PARD3: variants seen among roughly 807,000 people sequenced by gnomAD.
PARD3 encodes par-3 family cell polarity regulator, also known as partitioning defective 3 homolog.
Under a neutral mutation model 155.4 loss-of-function variants are expected in PARD3, and 75 were observed. The observed-to-expected ratio is 0.48, with a 90% CI of 0.40 to 0.58. PARD3 has a LOEUF of 0.58. Among genes scored for constraint, PARD3 ranks in the 20% least tolerant of loss-of-function variants. The pLI is 0.00. For synonymous variants in PARD3, 576 were observed against 610.5 expected (o/e 0.94, Z 0.83); for missense variants, 1,642 against 1,721.7 (o/e 0.95, Z 0.82).
intron 2 of PARD3, among the ~76,000 whole-genome samples, chr10:34,673,002 A>T (rs2093636636): frequency 6.6e-6 from 1 of 152,128 alleles, no homozygotes; most frequent in Non-Finnish European, 1.5e-5. Context: ...CCTCTCTCTG[A>T]CCTATATGTA....
chr10:34,621,025 G>A (rs1159041840), intron 2 of PARD3, among the ~76,000 whole-genome samples: 2 of 152,214 alleles, frequency 1.3e-5, no homozygotes, highest in African/African-American at 4.8e-5. Flanking sequence ...GAGTGGGCCA[G>A]GGTGAAAACC....
intron 1 of PARD3, 79 bp downstream of exon 1, chr10:34,814,797 C>G: frequency 8.1e-7 from 1 of 1,240,346 alleles, no homozygotes; most frequent in Non-Finnish European, 1.1e-6. Context: ...CCTCTCCTCC[C>G]CCTTCCAGGA....
intron 1 of PARD3, among the ~76,000 whole-genome samples, chr10:34,780,122 C>T (rs1251567677): frequency 6.6e-6 from 1 of 152,200 alleles, no homozygotes; most frequent in African/African-American, 2.4e-5. Flanking sequence ...TTTAACTCTG[C>T]TTCTTTTGTA....
At chr10:34,197,638 A>G (rs1951010515) in intron 22 of PARD3, among the ~76,000 whole-genome samples, 1 of 152,246 alleles carries the variant, frequency 6.6e-6, no homozygotes, top group South Asian at 2.1e-4. Context: ...GTTACCTTAA[A>G]GTATTTTTAA....
intron 1 of PARD3, among the ~76,000 whole-genome samples, chr10:34,757,345 C>G (rs937896549): frequency 6.6e-6 from 1 of 152,182 alleles, no homozygotes; most frequent in Non-Finnish European, 1.5e-5. Context: ...GTGTGACATG[C>G]TACAGCCTGT....
At chr10:34,697,714 C>A (rs1313545322) in intron 1 of PARD3, among the ~76,000 whole-genome samples, 1 of 151,744 alleles carries the variant, frequency 6.6e-6, no homozygotes, top group Non-Finnish European at 1.5e-5. Flanking sequence ...CTATCTGGAC[C>A]TCTATGAAAG....
intron 1 of PARD3, among the ~76,000 whole-genome samples, chr10:34,746,474 T>C (rs1352793298): frequency 1.3e-5 from 2 of 152,062 alleles, no homozygotes; most frequent in African/African-American, 4.8e-5. Flanking sequence ...TTCTTAATAC[T>C]ATTTTAAAAT....
intron 2 of PARD3, among the ~76,000 whole-genome samples, chr10:34,594,692 A>G (rs7916657): frequency 0.53 from 80,113 of 152,016 alleles, 24,509 homozygotes; most frequent in African/African-American, 0.86. Context: ...TTAGCCAGGT[A>G]TGATGGCTCA....
chr10:34,440,602 T>C (rs2076412532), intron 5 of PARD3, among the ~76,000 whole-genome samples: 1 of 152,178 alleles, frequency 6.6e-6, no homozygotes, highest in South Asian at 2.1e-4. Flanking sequence ...CCCTGAAGGT[T>C]AATCCACACA....
intron 1 of PARD3, among the ~76,000 whole-genome samples, chr10:34,804,286 C>T (rs1843118711): frequency 6.6e-6 from 1 of 152,212 alleles, no homozygotes; most frequent in Admixed American, 6.5e-5. Flanking sequence ...ATCCGCCCAC[C>T]TTGGCCTCCC....
At chr10:34,193,919 C>A (rs1334544253) in intron 22 of PARD3, among the ~76,000 whole-genome samples, 1 of 152,166 alleles carries the variant, frequency 6.6e-6, no homozygotes, top group East Asian at 1.9e-4. Flanking sequence ...TGCTCCTCCT[C>A]CTGTGACCCT....
chr10:34,736,222 G>C (rs1295311134), intron 1 of PARD3, among the ~76,000 whole-genome samples: 1 of 152,026 alleles, frequency 6.6e-6, no homozygotes, highest in Non-Finnish European at 1.5e-5. Context: ...AGTAGAGACA[G>C]GGTTTCACCG....
At chr10:34,714,432 G>A (rs1482123619) in intron 1 of PARD3, among the ~76,000 whole-genome samples, 4 of 152,260 alleles carry the variant, frequency 2.6e-5, no homozygotes, top group Middle Eastern at 3.4e-3. Flanking sequence ...TGCACCTCGT[G>A]GCATCTGTAC....
At chr10:34,528,843 A>G (rs1203670905) in intron 2 of PARD3, among the ~76,000 whole-genome samples, 1 of 152,194 alleles carries the variant, frequency 6.6e-6, no homozygotes, top group African/African-American at 2.4e-5. Context: ...TCTAATAATG[A>G]AGAAGTCATG....
intron 2 of PARD3, among the ~76,000 whole-genome samples, chr10:34,620,923 A>C (rs184387862): frequency 1.2e-4 from 19 of 152,370 alleles, no homozygotes; most frequent in Admixed American, 1.2e-3. Flanking sequence ...TTTCATTATT[A>C]CACAAGTGAA....
At chr10:34,569,727 AC>A (rs1284827218) in intron 2 of PARD3, among the ~76,000 whole-genome samples, 1 of 152,106 alleles carries the variant, frequency 6.6e-6, no homozygotes, top group Non-Finnish European at 1.5e-5. Flanking sequence ...CCTACTAGTG[AC>A]TAATTTTATT....
At chr10:34,165,269 T>A (rs1429813418) in intron 22 of PARD3, among the ~76,000 whole-genome samples, 1 of 152,082 alleles carries the variant, frequency 6.6e-6, no homozygotes, top group African/African-American at 2.4e-5. Flanking sequence ...TTACGTGGAG[T>A]CTCACATCCA....
intron 22 of PARD3, among the ~76,000 whole-genome samples, chr10:34,201,624 G>A (rs1361142503): frequency 6.6e-6 from 1 of 151,814 alleles, no homozygotes; most frequent in Non-Finnish European, 1.5e-5. Context: ...TTAACATACA[G>A]TAAAATGGAC....
chr10:34,561,872 C>T (rs2085507247), intron 2 of PARD3, among the ~76,000 whole-genome samples: 1 of 151,826 alleles, frequency 6.6e-6, no homozygotes, highest in Admixed American at 6.5e-5. Flanking sequence ...GGGCTGAAAC[C>T]TGTAATCCTA....
Sources: allele counts gnomAD v4.1 joint callset (sites outside exome capture counted in the v4.1 genomes callset), GRCh38; gene constraint gnomAD v4.1.1; transcripts MANE v1.5; gene names NCBI Gene and HGNC (gene_info 2026-07-23, HGNC 2026-07-21).